The following PAH variants were observed in gnomAD, a reference collection of about 807,000 sequenced individuals.
PAH encodes phenylalanine hydroxylase.
Under a neutral mutation model 62.0 loss-of-function variants are expected in PAH, and 64 were observed. The ratio of observed to expected loss-of-function variants is 1.03; its 90% CI spans 0.84 to 1.27. The LOEUF (loss-of-function observed/expected upper bound fraction) is 1.27, where lower values mean the gene tolerates loss of function less well. PAH is among the 50% of genes most tolerant of loss of function. The pLI is 0.00. For missense variants in PAH, 579 were observed against 542.8 expected, an observed-to-expected ratio of 1.07 and a Z score of -0.66; for synonymous variants, 195 against 196.2, an observed-to-expected ratio of 0.99 and a Z score of 0.05.
upstream of PAH, among the ~76,000 whole-genome samples, chr12:102,951,751 G>A (rs907684084): frequency 6.6e-6 from 1 of 152,120 alleles, no homozygotes; most frequent in African/African-American, 2.4e-5. Flanking sequence ...GTTAACCTCT[G>A]TAGGGCATTT....
chr12:102,846,066 A>C (rs1874829281), intron 9 of PAH, among the ~76,000 whole-genome samples: 1 of 152,210 alleles, frequency 6.6e-6, no homozygotes, highest in Non-Finnish European at 1.5e-5. Flanking sequence ...TAAATAATTC[A>C]ATTTAAATAG....
intron 1 of PAH, among the ~76,000 whole-genome samples, chr12:102,937,514 A>C (rs1879142234): frequency 6.6e-6 from 1 of 152,206 alleles, no homozygotes; most frequent in Non-Finnish European, 1.5e-5. Context: ...CGCTGATTGC[A>C]TAAACAAACA....
At chr12:102,924,511 A>T (rs964934636) in intron 1 of PAH, among the ~76,000 whole-genome samples, 3 of 152,188 alleles carry the variant, frequency 2.0e-5, no homozygotes, top group Non-Finnish European at 4.4e-5. Flanking sequence ...AGCAAAGAGC[A>T]TTAGAGGCTA....
At chr12:102,894,677 G>A (rs927051671) in intron 3 of PAH, 58 bp downstream of exon 3, 2 of 1,267,792 alleles carry the variant, frequency 1.6e-6, no homozygotes, top group African/African-American at 1.5e-5. Flanking sequence ...GTATATTGCT[G>A]TTATTTTATG....
At chr12:102,849,638 G>C (rs1379433712) in intron 8 of PAH, among the ~76,000 whole-genome samples, 1 of 152,194 alleles carries the variant, frequency 6.6e-6, no homozygotes, top group Non-Finnish European at 1.5e-5. Flanking sequence ...AATACTTTCT[G>C]ATTTAGAGTG....
intron 6 of PAH, among the ~76,000 whole-genome samples, chr12:102,853,884 T>C (rs1205806613): frequency 6.6e-6 from 1 of 152,212 alleles, no homozygotes; most frequent in Non-Finnish European, 1.5e-5. Flanking sequence ...TATGCCCACT[T>C]TACCGATGGG....
At chr12:102,955,198 G>C (rs182534556), upstream of PAH, among the ~76,000 whole-genome samples, 237 of 152,328 alleles carry the variant, frequency 1.6e-3, no homozygotes, top group African/African-American at 5.3e-3. Flanking sequence ...GTGTGTGTAG[G>C]GGGGAGGAGG....
intron 1 of PAH, among the ~76,000 whole-genome samples, chr12:102,948,161 G>A (rs888346449): frequency 1.4e-4 from 22 of 152,308 alleles, no homozygotes; most frequent in African/African-American, 5.3e-4. Context: ...GAGTGTATCA[G>A]CCTTTTTTTT....
At position 102,935,275 on chromosome 12, in the gene PAH, C is replaced by T. The variant is rs117498336; in HGVS notation, c.-96+15314G>A. ...TGGTCTTGATGAATGATCTTTTAAACGTGATATTGAATTTCTTTTGCTAGT... is the reference window on the plus strand; with the variant it reads ...TGGTCTTGATGAATGATCTTTTAAATGTGATATTGAATTTCTTTTGCTAGT... On this transcript the variant is annotated intron_variant, in intron 1 of 3. Coordinates refer to the PAH transcript ENST00000546844. Among the ~76,000 whole-genome samples the T allele has an allele frequency of 8.6e-3, 1,312 of 151,928 alleles. 13 individuals carry two copies. The highest frequency in any genetic ancestry group is 0.027 in the Middle Eastern group (8 of 294).
At chr12:102,856,144 T>C (rs1180594837) in intron 5 of PAH, among the ~76,000 whole-genome samples, 1 of 151,962 alleles carries the variant, frequency 6.6e-6, no homozygotes, top group Admixed American at 6.6e-5. Flanking sequence ...AAAATAAATA[T>C]ATAAATCCAT....
At chr12:102,900,606 TC>T (rs1301036866) in intron 2 of PAH, among the ~76,000 whole-genome samples, 6 of 152,294 alleles carry the variant, frequency 3.9e-5, no homozygotes, top group Non-Finnish European at 8.8e-5. Context: ...ATCATTTCTT[TC>T]CCTTTGAGTC....
chr12:102,919,628 C>T (rs1463285360), upstream of PAH, among the ~76,000 whole-genome samples: 2 of 152,100 alleles, frequency 1.3e-5, no homozygotes, highest in Admixed American at 6.6e-5. Context: ...GTAATTAGCT[C>T]TCTACTCTCT....
At chr12:102,925,593 G>A (rs1422285802) in intron 1 of PAH, among the ~76,000 whole-genome samples, 4 of 152,174 alleles carry the variant, frequency 2.6e-5, no homozygotes, top group South Asian at 2.1e-4. Context: ...AAAATGCAAC[G>A]TCTCATTGCA....
chr12:102,889,645 CA>C (rs1467260671), intron 3 of PAH, among the ~76,000 whole-genome samples: 1 of 152,124 alleles, frequency 6.6e-6, no homozygotes, highest in Non-Finnish European at 1.5e-5. Flanking sequence ...TTTTCTTCCC[CA>C]CCAGGACCCT....
intron 1 of PAH, among the ~76,000 whole-genome samples, chr12:102,937,258 T>A (rs1215193239): frequency 6.6e-6 from 1 of 152,216 alleles, no homozygotes. Context: ...TATTCAATGC[T>A]ATTATTAAGT....
intron 4 of PAH, among the ~76,000 whole-genome samples, chr12:102,876,372 C>T (rs1876564682): frequency 6.6e-6 from 1 of 152,216 alleles, no homozygotes; most frequent in African/African-American, 2.4e-5. Flanking sequence ...ACCATGAGCT[C>T]TCAGGACTCA....
intron 1 of PAH, among the ~76,000 whole-genome samples, chr12:102,935,340 A>G (rs146826759): frequency 2.6e-5 from 4 of 152,242 alleles, no homozygotes; most frequent in African/African-American, 9.6e-5. Flanking sequence ...CTTTAGGAAT[A>G]CTGGCCTGTA....
intron 1 of PAH, among the ~76,000 whole-genome samples, chr12:102,922,354 C>T (rs1202782692): frequency 3.3e-5 from 5 of 152,020 alleles, no homozygotes; most frequent in Non-Finnish European, 7.4e-5. Flanking sequence ...CCACCATGCC[C>T]AGCTAATTTT....
intron 1 of PAH, among the ~76,000 whole-genome samples, chr12:102,927,960 A>T (rs1592995322): frequency 6.6e-6 from 1 of 152,140 alleles, no homozygotes; most frequent in East Asian, 1.9e-4. Context: ...TTTGCCTAAA[A>T]CTATATTGGA....
Sources: allele counts gnomAD v4.1 joint callset (sites outside exome capture counted in the v4.1 genomes callset), GRCh38; gene constraint gnomAD v4.1.1; transcripts MANE v1.5; gene names NCBI Gene and HGNC (gene_info 2026-07-23, HGNC 2026-07-21).